The following CLDN18 variants were observed in gnomAD, a reference collection of about 807,000 sequenced individuals.
The protein encoded by CLDN18 is claudin 18.
Under a neutral mutation model 25.0 loss-of-function variants are expected in CLDN18, and 20 were observed. The observed-to-expected ratio is 0.80, with a 90% CI of 0.56 to 1.16. CLDN18 has a LOEUF of 1.16. Among genes scored for constraint, CLDN18 ranks in the 50% most tolerant of loss-of-function variants. CLDN18 has a pLI of 0.00. For missense variants in CLDN18, 297 were observed against 345.4 expected (o/e 0.86, Z 1.11); for synonymous variants, 125 against 135.6 (o/e 0.92, Z 0.54).
At chr3:138,002,654 T>C (rs541324900) in intron 1 of CLDN18, among the ~76,000 whole-genome samples, 1 of 152,314 alleles carries the variant, frequency 6.6e-6, no homozygotes, top group Admixed American at 6.5e-5. Flanking sequence ...CATTGAGAAG[T>C]TAACATACCC....
intron 1 of CLDN18, among the ~76,000 whole-genome samples, chr3:138,010,993 C>T (rs1942131621): frequency 6.6e-6 from 1 of 151,018 alleles, no homozygotes; most frequent in Non-Finnish European, 1.5e-5. Flanking sequence ...GTATACTGTC[C>T]TAAAAATCAA....
chr3:138,005,149 A>T (rs2107875331), intron 1 of CLDN18: 1 of 152,356 alleles, frequency 6.6e-6, no homozygotes, highest in African/African-American at 2.4e-5. Context: ...AAGGAATACA[A>T]ACTGACAATT....
At chr3:137,999,190 G>C in intron 1 of CLDN18, 2 of 1,048,152 alleles carry the variant, frequency 1.9e-6, no homozygotes. Context: ...GGGGAGGGAG[G>C]AACTGCGATT....
intron 1 of CLDN18, among the ~76,000 whole-genome samples, chr3:138,016,307 A>G (rs1000038371): frequency 6.6e-6 from 1 of 152,178 alleles, no homozygotes; most frequent in Non-Finnish European, 1.5e-5. Context: ...AAAGGCAGGA[A>G]TGGGCTGCCT....
chr3:137,999,086 C>T (rs1296283428), exon 1 of CLDN18: 1 of 1,613,886 alleles, frequency 6.2e-7, no homozygotes, highest in Non-Finnish European at 8.5e-7. Flanking sequence ...CTGGGGCTGC[C>T]AGGTAAGGGC....
chr3:138,008,501 G>A (rs971180630), upstream of CLDN18, among the ~76,000 whole-genome samples: 2 of 152,096 alleles, frequency 1.3e-5, no homozygotes, highest in Admixed American at 6.5e-5. Context: ...TAGTCAGGAG[G>A]CTGAGGCAGG....
At chr3:138,016,917 A>G (rs1194585113) in intron 1 of CLDN18, among the ~76,000 whole-genome samples, 1 of 152,104 alleles carries the variant, frequency 6.6e-6, no homozygotes, top group Non-Finnish European at 1.5e-5. Context: ...TTAGTCAGGC[A>G]TGGTGGCATG....
chr3:138,024,674 A>T lies in CLDN18; in HGVS notation c.453A>T (p.Thr151=). ...NMLVTNFWMS[T]ANMYTGMGGM... is the part of the protein sequence containing the mutation. ...TGGTGACTAACTTCTGGATGTCCAC[A>T]GCTAACATGTACACCGGCATGGGTG... Residue 151 remains threonine (T), a synonymous_variant, in exon 3 of 5, where the codon ACA becomes ACT. Coordinates refer to ENST00000183605, the MANE Select transcript of CLDN18 (RefSeq NM_016369.4). 1 of 1,613,890 alleles carries T rather than the reference A, an allele frequency of 6.2e-7. No individual in the cohort carries two copies.
intron 1 of CLDN18, among the ~76,000 whole-genome samples, chr3:138,012,660 C>T (rs911723115): frequency 1.3e-5 from 2 of 152,254 alleles, no homozygotes; most frequent in Non-Finnish European, 2.9e-5. Context: ...AGAGCATTCT[C>T]ATAGCATTGA....
At chr3:138,017,937 G>A (rs1255611544) in intron 1 of CLDN18, among the ~76,000 whole-genome samples, 1 of 152,176 alleles carries the variant, frequency 6.6e-6, no homozygotes, top group Non-Finnish European at 1.5e-5. Context: ...AATGAGAAAA[G>A]CTAGGAACCA....
Position 138,027,519 on chromosome 3 carries a change from T to A in CLDN18, c.504-2278T>A, listed in dbSNP as rs537626344. Among the ~76,000 whole-genome samples, 5 of 152,340 alleles carry A rather than the reference T, an allele frequency of 3.3e-5. No homozygotes were observed. In the South Asian group the frequency reaches 1.0e-3, roughly 32 times the overall value. The stretch of plus-strand genomic sequence containing the variant: ...GAATTTGAATCCTGATGATATCGTG[T>A]CCTTCCTGGGTCATTGGAGAAGTTA... On this transcript the variant is annotated intron_variant, in intron 3 of 4. Transcript: ENST00000183605.
intron 1 of CLDN18, among the ~76,000 whole-genome samples, chr3:138,002,018 T>C (rs1487683190): frequency 6.6e-6 from 1 of 152,238 alleles, no homozygotes; most frequent in East Asian, 1.9e-4. Context: ...AGTGGATTTT[T>C]TTTTTATTTC....
exon 1 of CLDN18, chr3:137,999,013 C>T: frequency 6.2e-7 from 1 of 1,614,214 alleles, no homozygotes; most frequent in East Asian, 2.2e-5. Flanking sequence ...CTACCAGGGG[C>T]TGTGGCGCTC....
chr3:138,005,374 C>T (rs533117684), upstream of CLDN18, among the ~76,000 whole-genome samples: 1 of 152,052 alleles, frequency 6.6e-6, no homozygotes, highest in Non-Finnish European at 1.5e-5. Context: ...TCTCCTAATG[C>T]TATCCCTCCC....
intron 1 of CLDN18, among the ~76,000 whole-genome samples, chr3:138,013,708 C>G (rs542670639): frequency 2.0e-5 from 3 of 152,198 alleles, no homozygotes; most frequent in Non-Finnish European, 4.4e-5. Context: ...ATCAACCACA[C>G]TAATTTCAGT....
chr3:137,999,033 A>G, exon 1 of CLDN18: 2 of 1,614,166 alleles, frequency 1.2e-6, no homozygotes, highest in Middle Eastern at 1.6e-4. Context: ...CCTGTGTCCG[A>G]GAGAGCTCTG....
intron 3 of CLDN18, among the ~76,000 whole-genome samples, chr3:138,028,477 G>A (rs1194450516): frequency 3.9e-5 from 6 of 152,128 alleles, no homozygotes; most frequent in East Asian, 1.9e-4. Flanking sequence ...AGCTTGTGTC[G>A]TAGACTTTAA....
At chr3:138,009,581 C>T (rs991126307), upstream of CLDN18, among the ~76,000 whole-genome samples, 4 of 152,126 alleles carry the variant, frequency 2.6e-5, no homozygotes, top group African/African-American at 9.7e-5. Flanking sequence ...GTGGGAGCCC[C>T]ACCCCTGCCG....
At chr3:137,999,021 C>G in exon 1 of CLDN18, 1 of 1,614,232 alleles carries the variant, frequency 6.2e-7, no homozygotes. Context: ...GGCTGTGGCG[C>G]TCCTGTGTCC....
Sources: gnomAD v4.1 joint callset for allele counts (sites outside exome capture counted in the v4.1 genomes callset) on GRCh38, gnomAD v4.1.1 for gene constraint, MANE v1.5 for transcripts, NCBI Gene and HGNC (gene_info 2026-07-23, HGNC 2026-07-21) for gene names.